TRIM54: variants seen among roughly 807,000 people sequenced by gnomAD.
TRIM54 encodes tripartite motif containing 54.
TRIM54 carries 40 observed loss-of-function variants against 42.0 expected under a neutral mutation model. The observed-to-expected ratio is 0.95, with a 90% confidence interval of 0.74 to 1.24. The LOEUF is 1.24. TRIM54 is among the 50% of genes most tolerant of loss of function. The pLI is 0.00. For synonymous variants in TRIM54, 199 were observed against 194.9 expected (o/e 1.02, Z -0.17); for missense variants, 485 against 480.3 (o/e 1.01, Z -0.09).
intron 1 of TRIM54, among the ~76,000 whole-genome samples, chr2:27,298,255 A>G (rs967611027): frequency 6.6e-6 from 1 of 152,100 alleles, no homozygotes; most frequent in Non-Finnish European, 1.5e-5. Context: ...GCCAAGACCA[A>G]TGTCTCCCCA....
Position 27,304,998 on chromosome 2 carries a change from A to G in TRIM54, c.553A>G (p.Asn185Asp). ...SDGIAMLVAG[N>D]DRVQAVITQM... is the part of the protein sequence containing the mutation. The stretch of plus-strand genomic sequence containing the variant: ...TGGCATCGCGATGCTGGTGGCAGGC[A>G]ATGACCGCGTGCAAGCAGTGATCAC... Residue 185 changes from asparagine to aspartate, a missense_variant, in exon 4 of 9, where the codon AAT becomes GAT. Asn to Asp is a conservative substitution (Grantham distance 23, BLOSUM62 1). Coordinates refer to ENST00000380075, the MANE Select transcript of TRIM54 (RefSeq NM_187841.3). 1 of 1,614,148 alleles carries G rather than the reference A, an allele frequency of 6.2e-7. No homozygotes were observed. Among genetic ancestry groups the G allele is most frequent in the Non-Finnish European group, 8.5e-7 (1 of 1,180,020 alleles).
chr2:27,282,902 G>A lies in TRIM54; in HGVS notation c.168+3G>A. 2.5e-6 allele frequency: 4 copies of A among 1,609,518 alleles called. No individual in the cohort carries two copies. Among genetic ancestry groups the A allele is most frequent in the Non-Finnish European group, 3.4e-6 (4 of 1,177,624 alleles). On this transcript the variant is annotated splice_donor_region_variant and intron_variant, in intron 1 of 8. Transcript: ENST00000380075. ...AATGTGCCAACGACGTCTTCCAGGTGGGTGCCAGGGACGGGGCAGGGCCAG... is the reference window on the plus strand; with the variant it reads ...AATGTGCCAACGACGTCTTCCAGGTAGGTGCCAGGGACGGGGCAGGGCCAG...
intron 1 of TRIM54, among the ~76,000 whole-genome samples, chr2:27,298,285 T>C (rs1420780454): frequency 6.6e-6 from 1 of 152,150 alleles, no homozygotes; most frequent in Non-Finnish European, 1.5e-5. Flanking sequence ...GCTGGACCCC[T>C]TTGGAGAGAT....
In TRIM54 at chr2:27,306,223, A is replaced by G. The variant is rs773188294; in HGVS notation, c.877A>G (p.Met293Val). 20 of 1,614,026 alleles carry G rather than the reference A, an allele frequency of 1.2e-5. No individual in the cohort carries two copies. The highest frequency in any genetic ancestry group is 1.2e-4 in the South Asian group (11 of 91,086). ...AKELINKVGA[M>V]SKVELAGRPE... ...GTGTGGCCACTGCAGGGTCGGGGCC[A>G]TGTCGAAGGTGGAGCTGGCAGGGCG... The change falls in exon 7 of 9, where the codon ATG (methionine) becomes GTG (valine). Residue 293 changes from methionine to valine, a missense_variant. Coordinates refer to ENST00000380075, the MANE Select transcript of TRIM54 (RefSeq NM_187841.3). The surrounding 1 kb of genome is among the most constrained non-coding windows in gnomAD (Gnocchi z 6.1).
intron 1 of TRIM54, among the ~76,000 whole-genome samples, chr2:27,287,399 G>GTC (rs962112089): frequency 6.6e-6 from 1 of 151,922 alleles, no homozygotes; most frequent in Non-Finnish European, 1.5e-5. Flanking sequence ...AGAGACAAGG[G>GTC]TCTCTCTATG....
intron 1 of TRIM54, 131 bp downstream of exon 1, chr2:27,283,030 G>A (rs1678430048): frequency 1.9e-6 from 2 of 1,068,434 alleles, no homozygotes; most frequent in Admixed American, 2.7e-5. Flanking sequence ...TGTTGTGGCT[G>A]GAGAGCAGAA....
Position 27,306,517 on chromosome 2 carries a change from G to A in TRIM54, c.1053G>A (p.Glu351=). The change falls in exon 8 of 9, where the codon GAG becomes GAA. Residue 351 remains glutamate (E), a synonymous_variant. Coordinates refer to ENST00000380075, the MANE Select transcript of TRIM54 (RefSeq NM_187841.3). The surrounding 1 kb of genome is among the most constrained non-coding windows in gnomAD (Gnocchi z 6.1). ...PDGEEGSAGP[E]EERPDGP is the part of the protein sequence containing the mutation. ...GAGAGGAGGGCAGCGCGGGGCCGGA[G>A]GAAGAGCGGCCGGATGGGCCTTAAG... The A allele has an allele frequency of 6.4e-7, 1 of 1,565,464 alleles. No homozygotes were observed. The highest frequency in any genetic ancestry group is 8.7e-7 in the Non-Finnish European group (1 of 1,154,810).
intron 3 of TRIM54, among the ~76,000 whole-genome samples, chr2:27,304,040 C>T (rs1428913254): frequency 5.3e-5 from 8 of 150,956 alleles, no homozygotes; most frequent in South Asian, 2.1e-4. Context: ...GTTGAAACCC[C>T]GTCTACAAAA....
Position 27,307,337 on chromosome 2 carries a change from G to A in TRIM54, c.*452G>A. 3 of 1,072,166 alleles carry A rather than the reference G, an allele frequency of 2.8e-6. No individual in the cohort carries two copies. Among genetic ancestry groups the A allele is most frequent in the Non-Finnish European group, 3.9e-6 (3 of 775,894 alleles). 66.4% of individuals were successfully genotyped at this position (1,072,166 alleles called of 1,614,324 possible). A position where few individuals can be genotyped will look rare whatever the true frequency, so the allele number is the denominator to read the frequency against. ...TTGTTCCCCTCCCGCTGGCCCGGGG[G>A]CCCCACCTTCCCACGGGTTCCCACG... is the stretch of plus-strand genomic sequence containing the variant. On this transcript the variant is annotated 3_prime_UTR_variant, in exon 9 of 9. Coordinates refer to ENST00000380075, the MANE Select transcript of TRIM54 (RefSeq NM_187841.3). This position sits in a 1 kb window ranked among gnomAD's most constrained non-coding sequence, Gnocchi z 6.9.
In TRIM54 at chr2:27,305,667, G is replaced by C. The variant is rs749042926; in HGVS notation, c.693G>C (p.Leu231=). The C allele has an allele frequency of 2.5e-6, 4 of 1,613,456 alleles. No individual in the cohort carries two copies. In the South Asian group the frequency reaches 3.3e-5, roughly 13 times the overall value. ...TGCTGGAGGAGCGCAAGGGTGAGCT[G>C]CTGCAGGCGCTGGCCCGGGAGCAAG... ...CAVLEERKGE[L]LQALAREQEE... Residue 231 remains leucine, a synonymous_variant, in exon 5 of 9, where the codon CTG becomes CTC. Coordinates refer to ENST00000380075, the MANE Select transcript of TRIM54 (RefSeq NM_187841.3).
chr2:27,303,204 C>T (rs1356798862), intron 3 of TRIM54, among the ~76,000 whole-genome samples: 11 of 152,100 alleles, frequency 7.2e-5, no homozygotes, highest in African/African-American at 2.4e-4. Flanking sequence ...TGTCACTGAG[C>T]TAGAGAGACC....
rs1224267196 is a variant in TRIM54, at chr2:27,307,340, C to A, written c.*455C>A. 1 of 1,139,598 alleles carries A rather than the reference C, an allele frequency of 8.8e-7. No homozygotes were observed. Among genetic ancestry groups the A allele is most frequent in the Non-Finnish European group, 1.2e-6 (1 of 836,228 alleles). 70.6% of individuals were successfully genotyped at this position (1,139,598 alleles called of 1,614,324 possible). ...TTCCCCTCCCGCTGGCCCGGGGGCC[C>A]CACCTTCCCACGGGTTCCCACGCTG... On this transcript the variant is annotated 3_prime_UTR_variant, in exon 9 of 9. Transcript: ENST00000380075. The surrounding 1 kb of genome is among the most constrained non-coding windows in gnomAD (Gnocchi z 6.9).
At chr2:27,294,024 AAAC>A (rs937017888) in intron 1 of TRIM54, among the ~76,000 whole-genome samples, 9 of 152,100 alleles carry the variant, frequency 5.9e-5, no homozygotes, top group African/African-American at 1.2e-4. Context: ...TCTGTCTCAA[AAAC>A]AACAACAACA....
In TRIM54 at chr2:27,298,590, C is replaced by A; in HGVS notation, c.192C>A (p.Ser64=). ...VFQASNPLWQ[S]RGSTTVSSGG... ...AGGCCTCGAATCCTCTATGGCAGTC[C>A]CGGGGCTCCACCACTGTGTCTTCAG... is the stretch of plus-strand genomic sequence containing the variant. The change falls in exon 2 of 9, where the codon TCC becomes TCA. Residue 64 remains serine (S), a synonymous_variant. Transcript: ENST00000380075. 13 of 1,614,030 alleles carry A rather than the reference C, an allele frequency of 8.1e-6. No homozygotes were observed. The highest frequency in any genetic ancestry group is 1.1e-5 in the South Asian group (1 of 91,056).
At chr2:27,286,346 TC>T (rs1455432615) in intron 1 of TRIM54, among the ~76,000 whole-genome samples, 26 of 152,110 alleles carry the variant, frequency 1.7e-4, no homozygotes, top group Non-Finnish European at 1.0e-4. Flanking sequence ...TTAATGTAAT[TC>T]TTTTTAGAGC....
At chr2:27,285,759 A>T (rs1448554028) in intron 1 of TRIM54, among the ~76,000 whole-genome samples, 1 of 152,146 alleles carries the variant, frequency 6.6e-6, no homozygotes, top group East Asian at 1.9e-4. Context: ...TTTCATTGTT[A>T]TGACTGGACC....
intron 1 of TRIM54, among the ~76,000 whole-genome samples, chr2:27,288,709 A>G (rs547063641): frequency 6.6e-6 from 1 of 152,352 alleles, no homozygotes; most frequent in East Asian, 1.9e-4. Flanking sequence ...GTTAGATCGA[A>G]TGGATGTTAT....
At chr2:27,300,635 C>T (rs1679009949) in intron 3 of TRIM54, among the ~76,000 whole-genome samples, 1 of 96,554 alleles carries the variant, frequency 1.0e-5, no homozygotes, top group South Asian at 3.9e-4. Flanking sequence ...TTTAGAAGAG[C>T]GAGGCAGGGG....
intron 3 of TRIM54, among the ~76,000 whole-genome samples, chr2:27,304,271 T>TAG (rs1284031172): frequency 1.4e-5 from 2 of 142,978 alleles, no homozygotes; most frequent in African/African-American, 2.6e-5. Flanking sequence ...GATATATATA[T>TAG]ATATATAGAT....
Sources: allele counts gnomAD v4.1 joint callset (sites outside exome capture counted in the v4.1 genomes callset), GRCh38; gene constraint gnomAD v4.1.1; non-coding constraint Gnocchi (gnomAD v3.1); transcripts MANE v1.5; gene names NCBI Gene and HGNC (gene_info 2026-07-23, HGNC 2026-07-21).